PPARGC1A: variants seen among roughly 807,000 people sequenced by gnomAD.
PPARGC1A encodes the protein PPARG coactivator 1 alpha.
Under a neutral mutation model 88.7 loss-of-function variants are expected in PPARGC1A, and 25 were observed. The observed-to-expected ratio is 0.28, with a 90% confidence interval of 0.21 to 0.39. PPARGC1A has a LOEUF of 0.39. Ranked by LOEUF, PPARGC1A falls within the 10% of genes least tolerant of loss-of-function variation. The probability of loss-of-function intolerance (pLI) is 1.00; values close to 1 mark genes in which losing one functional copy is unlikely to be tolerated. For synonymous variants in PPARGC1A, 363 were observed against 355.6 expected (o/e 1.02, Z -0.24); for missense variants, 880 against 968.7 (o/e 0.91, Z 1.22).
At chr4:23,857,266 A>C (rs1730336703) in intron 2 of PPARGC1A, among the ~76,000 whole-genome samples, 2 of 151,268 alleles carry the variant, frequency 1.3e-5, no homozygotes, top group Admixed American at 6.6e-5. Flanking sequence ...GCATAGTGAC[A>C]AATGCCAAAG....
At chr4:23,873,212 AAAAATAAAAAAT>A (rs1713913176) in intron 2 of PPARGC1A, among the ~76,000 whole-genome samples, 5 of 147,244 alleles carry the variant, frequency 3.4e-5, no homozygotes, top group South Asian at 2.2e-4. Flanking sequence ...ATAAAAAATA[AAAAATAAAAAAT>A]AAAGAAAAAA....
the PPARGC1A span, among the ~76,000 whole-genome samples, chr4:24,109,668 T>G: frequency 6.6e-6 from 1 of 152,182 alleles, no homozygotes; most frequent in African/African-American, 2.4e-5. Flanking sequence ...ACTGTTCAAT[T>G]ATTGATCCCT....
the PPARGC1A span, among the ~76,000 whole-genome samples, chr4:24,107,293 C>T: frequency 1.3e-5 from 2 of 152,272 alleles, no homozygotes; most frequent in South Asian, 4.1e-4. Flanking sequence ...TTTGTGCATT[C>T]ATTTGTTGAA....
At chr4:24,210,256 A>G in the PPARGC1A span, among the ~76,000 whole-genome samples, 3 of 152,348 alleles carry the variant, frequency 2.0e-5, no homozygotes, top group Middle Eastern at 3.4e-3. Flanking sequence ...TTAAAGTGCT[A>G]CCAAAAATAC....
At chr4:24,236,801 C>T in the PPARGC1A span, among the ~76,000 whole-genome samples, 5 of 152,268 alleles carry the variant, frequency 3.3e-5, no homozygotes, top group South Asian at 1.0e-3. Context: ...TGGTCTTGTA[C>T]AGCTACTTAT....
chr4:23,856,341 T>A (rs1296707294), intron 2 of PPARGC1A, among the ~76,000 whole-genome samples: 3 of 152,212 alleles, frequency 2.0e-5, no homozygotes, highest in Non-Finnish European at 4.4e-5. Flanking sequence ...GGATTAGTCA[T>A]TGCAAACACT....
At chr4:24,434,012 T>C in the PPARGC1A span, among the ~76,000 whole-genome samples, 1 of 152,214 alleles carries the variant, frequency 6.6e-6, no homozygotes. Flanking sequence ...TTGCTATTCT[T>C]GTCATCATTG....
intron 7 of PPARGC1A, among the ~76,000 whole-genome samples, chr4:23,823,181 G>A (rs990507597): frequency 5.9e-5 from 9 of 151,996 alleles, no homozygotes; most frequent in Admixed American, 2.0e-4. Flanking sequence ...AGTTGTGGAT[G>A]GGTGGAATTG....
chr4:24,040,312 T>C, the PPARGC1A span, among the ~76,000 whole-genome samples: 3 of 152,200 alleles, frequency 2.0e-5, no homozygotes, highest in Admixed American at 6.6e-5. Context: ...AAAGCACAAA[T>C]GATTTTTCTC....
At chr4:24,037,720 G>A in the PPARGC1A span, among the ~76,000 whole-genome samples, 1 of 152,172 alleles carries the variant, frequency 6.6e-6, no homozygotes, top group African/African-American at 2.4e-5. Flanking sequence ...ACCCGCACTT[G>A]TGTATGCGTC....
At chr4:24,160,095 A>G in the PPARGC1A span, among the ~76,000 whole-genome samples, 3 of 152,182 alleles carry the variant, frequency 2.0e-5, no homozygotes, top group African/African-American at 7.2e-5. Context: ...CTCAAACTCA[A>G]ATCCCAGCTC....
At chr4:24,292,481 A>C in the PPARGC1A span, among the ~76,000 whole-genome samples, 3 of 146,708 alleles carry the variant, frequency 2.0e-5, no homozygotes, top group African/African-American at 5.1e-5. Context: ...CCCTATGTGC[A>C]CTCCTTCCTA....
the PPARGC1A span, among the ~76,000 whole-genome samples, chr4:24,151,755 T>G: frequency 6.6e-6 from 1 of 151,742 alleles, no homozygotes; most frequent in Non-Finnish European, 1.5e-5. Context: ...ACGGAAGGAG[T>G]GAGTGAACAC....
chr4:23,888,522 A>G (rs1343979059), intron 1 of PPARGC1A, among the ~76,000 whole-genome samples: 1 of 152,196 alleles, frequency 6.6e-6, no homozygotes, highest in Non-Finnish European at 1.5e-5. Context: ...TAGGACTTTG[A>G]AGCCACTTAT....
the PPARGC1A span, among the ~76,000 whole-genome samples, chr4:24,098,439 C>T: frequency 1.2e-4 from 19 of 152,242 alleles, no homozygotes; most frequent in South Asian, 3.3e-3. Context: ...CAGTGAACTA[C>T]CATTTTCAGT....
chr4:24,314,398 T>C, the PPARGC1A span, among the ~76,000 whole-genome samples: 8 of 152,198 alleles, frequency 5.3e-5, no homozygotes, highest in African/African-American at 1.9e-4. Flanking sequence ...GGAACTAACT[T>C]AGTCCCTCTT....
chr4:23,933,311 C>A, the PPARGC1A span, among the ~76,000 whole-genome samples: 1 of 152,178 alleles, frequency 6.6e-6, no homozygotes, highest in African/African-American at 2.4e-5. Context: ...AAAGAAAAGT[C>A]CTCAGTTTGT....
At chr4:24,163,469 G>A in the PPARGC1A span, among the ~76,000 whole-genome samples, 1 of 152,014 alleles carries the variant, frequency 6.6e-6, no homozygotes, top group South Asian at 2.1e-4. Flanking sequence ...ACAGTTGGCT[G>A]ACATTAGAGG....
At chr4:23,804,115 A>C (rs1359319809) in intron 10 of PPARGC1A, among the ~76,000 whole-genome samples, 1 of 152,172 alleles carries the variant, frequency 6.6e-6, no homozygotes, top group Non-Finnish European at 1.5e-5. Context: ...GGTGCAAATA[A>C]TCAACTGTCT....
Sources: allele counts gnomAD v4.1 joint callset (sites outside exome capture counted in the v4.1 genomes callset), GRCh38; gene constraint gnomAD v4.1.1; transcripts MANE v1.5; gene names NCBI Gene and HGNC (gene_info 2026-07-23, HGNC 2026-07-21).